Variants in ENTPD4 observed in about 807,000 individuals in gnomAD.
The protein encoded by ENTPD4 is ectonucleoside triphosphate diphosphohydrolase 4, also known as Golgi UDPase.
ENTPD4 carries 60 observed loss-of-function variants against 79.1 expected under a neutral mutation model. The ratio of observed to expected loss-of-function variants is 0.76; its 90% CI spans 0.62 to 0.94. The LOEUF (loss-of-function observed/expected upper bound fraction) is 0.94, where lower values mean the gene tolerates loss of function less well. Ranked by LOEUF, ENTPD4 falls within the 40% of genes least tolerant of loss-of-function variation. ENTPD4 has a pLI of 0.00. For synonymous variants in ENTPD4, 276 were observed against 292.0 expected (o/e 0.95, Z 0.56); for missense variants, 772 against 775.1 (o/e 1.00, Z 0.05).
chr8:23,447,886 C>T lies in ENTPD4; in HGVS notation c.207-1G>A. The T allele has an allele frequency of 6.2e-7, 1 of 1,613,366 alleles. No homozygotes were observed. Among genetic ancestry groups the T allele is most frequent in the Non-Finnish European group, 8.5e-7 (1 of 1,179,310 alleles). ...AATGTCGGTAACTCGTGCCAGGTAC[C>T]TTGTATAGAAACACACGTATGCTTT... On this transcript the variant is annotated splice_acceptor_variant, in intron 3 of 12. Transcript: ENST00000358689. LOFTEE classifies it high-confidence loss of function.
chr8:23,449,189 T>C (rs1800816480), intron 2 of ENTPD4, among the ~76,000 whole-genome samples: 1 of 152,184 alleles, frequency 6.6e-6, no homozygotes. Flanking sequence ...CAGTATTATG[T>C]AGATTTTTAA....
intron 6 of ENTPD4, among the ~76,000 whole-genome samples, chr8:23,443,221 C>CT (rs1313818792): frequency 1.4e-4 from 21 of 151,862 alleles, no homozygotes; most frequent in Admixed American, 3.9e-4. Flanking sequence ...TTTTCCTCAT[C>CT]TTTTTTCTGG....
At position 23,431,628 on chromosome 8, in the gene ENTPD4, G is replaced by C. The variant is rs531058209; in HGVS notation, c.*1298C>G. Reference sequence around the variant, plus strand: ...CCTCAGTCAATGCGGTTAGGAAGAGGACTCGGCAGGCTGTGCATGGGGTCT... The same window carrying C: ...CCTCAGTCAATGCGGTTAGGAAGAGCACTCGGCAGGCTGTGCATGGGGTCT... On this transcript the variant is annotated 3_prime_UTR_variant, in exon 13 of 13. Coordinates refer to ENST00000358689, the MANE Select transcript of ENTPD4 (RefSeq NM_004901.5). 17 of 985,302 alleles carry C rather than the reference G, an allele frequency of 1.7e-5. No homozygotes were observed. Among genetic ancestry groups the C allele is most frequent in the Non-Finnish European group, 2.0e-5 (17 of 829,940 alleles). 61.0% of individuals were successfully genotyped at this position (985,302 alleles called of 1,614,324 possible).
intron 6 of ENTPD4, 123 bp from the exon 7 acceptor site, chr8:23,442,189 G>C (rs1800684419): frequency 1.1e-5 from 7 of 639,462 alleles, no homozygotes; most frequent in South Asian, 4.0e-5. Flanking sequence ...AAAATCATCT[G>C]AAATAACACC....
At position 23,432,251 on chromosome 8, in the gene ENTPD4, G is replaced by A. The variant is rs979225340; in HGVS notation, c.*675C>T. On this transcript the variant is annotated 3_prime_UTR_variant, in exon 13 of 13. Coordinates refer to ENST00000358689, the MANE Select transcript of ENTPD4 (RefSeq NM_004901.5). ...ATCATTTCAGGCAGTAAGTTTTTTGGTTCTATGAAAGCATCACTATTCAGT... is the reference window on the plus strand; with the variant it reads ...ATCATTTCAGGCAGTAAGTTTTTTGATTCTATGAAAGCATCACTATTCAGT... The A allele has an allele frequency of 1.5e-5, 15 of 985,100 alleles. No individual in the cohort carries two copies. In the South Asian group the frequency reaches 7.0e-4, roughly 46 times the overall value. The allele number at this position is 985,100 out of a possible 1,614,324, so 61.0% of individuals were successfully genotyped here. A position where few individuals can be genotyped will look rare whatever the true frequency, so the allele number is the denominator to read the frequency against.
chr8:23,457,405 C>CCGCGGGGCTGAGCGGGCAGCGGCGGTGG (rs1554490985), intron 1 of ENTPD4, among the ~76,000 whole-genome samples, 152 bp downstream of exon 1: 52,805 of 151,506 alleles, frequency 0.35, 10,265 homozygotes, highest in African/African-American at 0.51. Flanking sequence ...GGGAACCGGT[C>CCGCGGGGCTGAGCGGGCAGCGGCGGTGG]CGCGGGGCTA....
At chr8:23,440,439 A>G (rs1242754314) in intron 8 of ENTPD4, among the ~76,000 whole-genome samples, 1 of 152,252 alleles carries the variant, frequency 6.6e-6, no homozygotes, top group African/African-American at 2.4e-5. Flanking sequence ...AATTCACTAA[A>G]AGGCTAACAA....
intron 8 of ENTPD4, chr8:23,441,347 ACT>A (rs1800665504): frequency 3.3e-6 from 3 of 914,670 alleles, no homozygotes; most frequent in Middle Eastern, 1.1e-3. Flanking sequence ...CCAAAGAAAA[ACT>A]CTACGTTCAG....
At position 23,429,842 on chromosome 8, in the gene ENTPD4, G is replaced by A; in HGVS notation, c.*3084C>T. On this transcript the variant is annotated 3_prime_UTR_variant, in exon 13 of 13. Transcript: ENST00000358689. ...AGGATGAACATGGGCAAAAAGCACT[G>A]GTACAGTTCCATGTGTTTCTCTTCT... is the stretch of plus-strand genomic sequence containing the variant. 22 of 985,414 alleles carry A rather than the reference G, an allele frequency of 2.2e-5. No individual in the cohort carries two copies. Among genetic ancestry groups the A allele is most frequent in the Non-Finnish European group, 2.7e-5 (22 of 829,924 alleles). 61.0% of individuals were successfully genotyped at this position (985,414 alleles called of 1,614,324 possible). A position where few individuals can be genotyped will look rare whatever the true frequency, so the allele number is the denominator to read the frequency against.
chr8:23,443,778 T>C, intron 6 of ENTPD4, 72 bp downstream of exon 6: 1 of 840,540 alleles, frequency 1.2e-6, no homozygotes, highest in Non-Finnish European at 2.1e-6. Context: ...TAACAAAGGG[T>C]ACATTGGTGA....
chr8:23,448,877 G>A lies in ENTPD4; in HGVS notation c.71C>T (p.Pro24Leu), dbSNP rs1800809570. ...WHFSISPVGC[P>L]RILNTNLRQI... ...GCGTAAATTGGTATTCAGAATTCGAGGACACCCTACTGGAGATATGCTAAA... is the reference window on the plus strand; with the variant it reads ...GCGTAAATTGGTATTCAGAATTCGAAGACACCCTACTGGAGATATGCTAAA... Residue 24 changes from proline to leucine, a missense_variant, in exon 3 of 13, where the codon CCT (proline) becomes CTT (leucine). By Grantham distance (98) the Pro-to-Leu change is moderately conservative. Coordinates refer to ENST00000358689, the MANE Select transcript of ENTPD4 (RefSeq NM_004901.5). 6.2e-7 allele frequency: 1 copy of A among 1,613,998 alleles called. No individual in the cohort carries two copies. Among genetic ancestry groups the A allele is most frequent in the East Asian group, 2.2e-5 (1 of 44,866 alleles).
In ENTPD4 at chr8:23,431,331, C is replaced by T; in HGVS notation, c.*1595G>A. The T allele has an allele frequency of 2.0e-6, 2 of 985,112 alleles. No homozygotes were observed. The highest frequency in any genetic ancestry group is 2.4e-6 in the Non-Finnish European group (2 of 829,690). 61.0% of individuals were successfully genotyped at this position (985,112 alleles called of 1,614,324 possible). The stretch of plus-strand genomic sequence containing the variant: ...CTTCTGGGTACTAATCTGCTACCAA[C>T]TACAGGAATTTAACTGTTCTGGAGT... On this transcript the variant is annotated 3_prime_UTR_variant, in exon 13 of 13. Transcript: ENST00000358689.
intron 9 of ENTPD4, among the ~76,000 whole-genome samples, chr8:23,438,578 C>G (rs563063851): frequency 6.6e-6 from 1 of 152,024 alleles, no homozygotes; most frequent in African/African-American, 2.4e-5. Context: ...TTAAGAAGTA[C>G]CACTAAACTA....
Position 23,432,334 on chromosome 8 carries a change from G to GT in ENTPD4, c.*591dup. 2 of 985,488 alleles carry GT rather than the reference G, an allele frequency of 2.0e-6. No homozygotes were observed. The highest frequency in any genetic ancestry group is 9.4e-5 in the South Asian group (2 of 21,290). 61.0% of individuals were successfully genotyped at this position (985,488 alleles called of 1,614,324 possible). On this transcript the variant is annotated 3_prime_UTR_variant, in exon 13 of 13. Coordinates refer to ENST00000358689, the MANE Select transcript of ENTPD4 (RefSeq NM_004901.5). The stretch of plus-strand genomic sequence containing the variant: ...CTCCCTCCAGTATCAAAGTGCATGT[G>GT]TTTAAATTTAACATTCCTTAGAGAA...
At chr8:23,446,748 A>T (rs1800769893) in intron 4 of ENTPD4, among the ~76,000 whole-genome samples, 1 of 152,166 alleles carries the variant, frequency 6.6e-6, no homozygotes, top group South Asian at 2.1e-4. Flanking sequence ...ACCATTCTAC[A>T]TGGTTGGAGA....
At chr8:23,453,482 A>G (rs190825983) in intron 1 of ENTPD4, among the ~76,000 whole-genome samples, 1 of 152,384 alleles carries the variant, frequency 6.6e-6, no homozygotes, top group African/African-American at 2.4e-5. Flanking sequence ...GTTATTATAA[A>G]GAAATAAGAG....
In ENTPD4 at chr8:23,450,090, A is replaced by G. The variant is rs1042976205; in HGVS notation, c.-97-93T>C. The G allele has an allele frequency of 1.7e-5, 11 of 661,420 alleles. No individual in the cohort carries two copies. The Admixed American group carries it at 1.7e-4, about 10-fold the overall frequency. The allele number at this position is 661,420 out of a possible 1,614,324, so 41.0% of individuals were successfully genotyped here. A position where few individuals can be genotyped will look rare whatever the true frequency, so the allele number is the denominator to read the frequency against. On this transcript the variant is annotated intron_variant, in intron 1 of 12. Transcript: ENST00000358689. ...GTGTGCTTAAATCCAACCACATATA[A>G]TCTATACATGATCCTTGCACTGAAG... is the stretch of plus-strand genomic sequence containing the variant.
rs577019991 is a variant in ENTPD4, at chr8:23,432,639, C to T, written c.*287G>A. The T allele has an allele frequency of 2.5e-4, 159 of 648,626 alleles. No homozygotes were observed. The highest frequency in any genetic ancestry group is 2.4e-3 in the African/African-American group (126 of 51,682). 40.2% of individuals were successfully genotyped at this position (648,626 alleles called of 1,614,324 possible). A position where few individuals can be genotyped will look rare whatever the true frequency, so the allele number is the denominator to read the frequency against. On this transcript the variant is annotated 3_prime_UTR_variant, in exon 13 of 13. Transcript: ENST00000358689. Reference sequence around the variant, plus strand: ...TCAGCCTCCTGAGTAGCTGGGACTACGGGCGCCCGCCACCACACCCAGCTA... The same window carrying T: ...TCAGCCTCCTGAGTAGCTGGGACTATGGGCGCCCGCCACCACACCCAGCTA...
At chr8:23,436,482 C>G (rs1424369226) in intron 10 of ENTPD4, among the ~76,000 whole-genome samples, 1 of 152,044 alleles carries the variant, frequency 6.6e-6, no homozygotes, top group Non-Finnish European at 1.5e-5. Context: ...TGAGAGGCAG[C>G]AGCAAACCCT....
Sources: allele counts gnomAD v4.1 joint callset (sites outside exome capture counted in the v4.1 genomes callset), GRCh38; gene constraint gnomAD v4.1.1; transcripts MANE v1.5; gene names NCBI Gene and HGNC (gene_info 2026-07-23, HGNC 2026-07-21).